Variants in TMEM181 observed in about 807,000 individuals in gnomAD.
TMEM181 encodes the protein G protein-coupled receptor 178.
A neutral mutation model predicts 71.9 loss-of-function variants in TMEM181; 39 were observed. The observed-to-expected ratio is 0.54, with a 90% CI of 0.42 to 0.71. The LOEUF (loss-of-function observed/expected upper bound fraction) is 0.71, where lower values mean the gene tolerates loss of function less well. Among genes scored for constraint, TMEM181 ranks in the 30% least tolerant of loss-of-function variants. TMEM181 has a pLI of 0.00. For missense variants in TMEM181, 595 were observed against 583.0 expected (o/e 1.02, Z -0.21); for synonymous variants, 245 against 228.8 (o/e 1.07, Z -0.64).
chr6:158,605,312 C>T lies in TMEM181; in HGVS notation c.538C>T (p.Arg180Trp), dbSNP rs779905244. 7 of 1,613,770 alleles carry T rather than the reference C, an allele frequency of 4.3e-6. No individual in the cohort carries two copies. The East Asian group carries it at 6.7e-5, about 15-fold the overall frequency. ...PAFSRLEIWF[R>W]FFFVVLTFIV... ...CTTCTCCCGGTTGGAAATCTGGTTC[C>T]GGTTTTTCTTTGTGGTGCTCACCTT... Residue 180 changes from arginine to tryptophan, a missense_variant, in exon 7 of 17, where the codon CGG becomes TGG. Arg to Trp is a moderately radical substitution (Grantham distance 101, BLOSUM62 -3). Transcript: ENST00000684151.
rs1184238264 is a variant in TMEM181, at chr6:158,605,258, C to T, written c.493-9C>T. 1 of 1,610,768 alleles carries T rather than the reference C, an allele frequency of 6.2e-7. No individual in the cohort carries two copies. Among genetic ancestry groups the T allele is most frequent in the Non-Finnish European group, 8.5e-7 (1 of 1,177,712 alleles). ...TTTTTCAAATTGTTTTCTCCACTTTCTATTTTAGTGGAAGACTTATAACCC... is the reference window on the plus strand; with the variant it reads ...TTTTTCAAATTGTTTTCTCCACTTTTTATTTTAGTGGAAGACTTATAACCC... On this transcript the variant is annotated splice_polypyrimidine_tract_variant and intron_variant, in intron 6 of 16. Transcript: ENST00000684151.
At chr6:158,625,317 T>G in intron 12 of TMEM181, 111 bp downstream of exon 12, 1 of 922,114 alleles carries the variant, frequency 1.1e-6, no homozygotes, top group Non-Finnish European at 1.7e-6. Context: ...GCCCAGGGAC[T>G]GGTCCATTCC....
intron 10 of TMEM181, among the ~76,000 whole-genome samples, chr6:158,612,402 C>T (rs368432548): frequency 2.0e-5 from 3 of 152,194 alleles, no homozygotes; most frequent in East Asian, 1.9e-4. Context: ...CTCGGATTGA[C>T]TGCGGGAGCA....
intron 5 of TMEM181, among the ~76,000 whole-genome samples, chr6:158,586,907 C>T (rs914754330): frequency 3.9e-5 from 6 of 152,146 alleles, no homozygotes; most frequent in Non-Finnish European, 8.8e-5. Flanking sequence ...CTGCGTCCCC[C>T]AGTGAGGCCT....
exon 1 of TMEM181, chr6:158,536,679 C>A: frequency 6.6e-7 from 1 of 1,524,474 alleles, no homozygotes. Context: ...AGAGGGGGCG[C>A]AGGCGGCGAC....
At chr6:158,611,747 A>AAAGC (rs1331287168) in intron 10 of TMEM181, 4 of 235,264 alleles carry the variant, frequency 1.7e-5, no homozygotes, top group Non-Finnish European at 2.5e-5. Flanking sequence ...AGAAACAGGA[A>AAAGC]AAGCGGCTCA....
At chr6:158,571,680 A>G (rs1315205160) in intron 1 of TMEM181, among the ~76,000 whole-genome samples, 1 of 152,264 alleles carries the variant, frequency 6.6e-6, no homozygotes, top group African/African-American at 2.4e-5. Flanking sequence ...GCGGAAGGTC[A>G]GAGGAGACAC....
At chr6:158,552,414 T>C (rs143685511) in intron 1 of TMEM181, among the ~76,000 whole-genome samples, 362 of 152,318 alleles carry the variant, frequency 2.4e-3, no homozygotes, top group African/African-American at 8.4e-3. Flanking sequence ...CACAGAGGAA[T>C]ATACACAAGA....
upstream of TMEM181, chr6:158,560,041 C>A: frequency 1.0e-6 from 1 of 985,242 alleles, no homozygotes; most frequent in Non-Finnish European, 1.2e-6. Flanking sequence ...GCGCCCTCTT[C>A]CGCCGTGAGA....
chr6:158,558,506 C>G (rs983421705), upstream of TMEM181, among the ~76,000 whole-genome samples: 1 of 152,168 alleles, frequency 6.6e-6, no homozygotes, highest in African/African-American at 2.4e-5. Context: ...CATTTATGGA[C>G]AGAAAGTGGA....
chr6:158,607,159 A>G, intron 7 of TMEM181, 85 bp from the exon 8 acceptor site: 1 of 1,101,334 alleles, frequency 9.1e-7, no homozygotes. Flanking sequence ...AGAGAAGACA[A>G]CCTGGTATGC....
chr6:158,612,077 T>C lies in TMEM181; in HGVS notation c.896+3327T>C, dbSNP rs567570250. 9.2e-5 allele frequency among the ~76,000 whole-genome samples: 14 copies of C among 152,210 alleles called. 1 individual carries two copies. The South Asian group carries it at 1.9e-3, about 20-fold the overall frequency. ...GCCTACTTTTTTACTGGGGCCCATT[T>C]TTGGGGGCCCATTTACACTCCCAAA... On this transcript the variant is annotated intron_variant, in intron 10 of 16. Coordinates refer to ENST00000684151, the MANE Select transcript of TMEM181 (RefSeq NM_001376852.1).
At chr6:158,574,922 T>C (rs550104244) in intron 2 of TMEM181, among the ~76,000 whole-genome samples, 192 of 152,318 alleles carry the variant, frequency 1.3e-3, no homozygotes, top group Non-Finnish European at 1.3e-3. Context: ...CTAGGAGAGC[T>C]GATGGAGTAA....
chr6:158,604,332 A>ATGCG (rs1471483379), intron 6 of TMEM181, among the ~76,000 whole-genome samples: 3 of 124,016 alleles, frequency 2.4e-5, no homozygotes, highest in East Asian at 6.0e-4. Context: ...GCATGCGTGC[A>ATGCG]TGCGTGTGTG....
At position 158,592,131 on chromosome 6, in the gene TMEM181, C is replaced by G. The variant is rs557919186; in HGVS notation, c.492+2349C>G. On this transcript the variant is annotated intron_variant, in intron 6 of 16. Transcript: ENST00000684151. ...GTAAGGGATGTCACCAAAGATTTTT[C>G]TGCGTTTTTTGTACATTTCGTTTCC... is the stretch of plus-strand genomic sequence containing the variant. Among the ~76,000 whole-genome samples the G allele has an allele frequency of 1.4e-3, 210 of 152,314 alleles. 1 individual carries two copies. Among genetic ancestry groups the G allele is most frequent in the Non-Finnish European group, 1.3e-3 (86 of 68,030 alleles).
intron 1 of TMEM181, among the ~76,000 whole-genome samples, chr6:158,566,508 G>T (rs1488689800): frequency 4.7e-5 from 7 of 148,038 alleles, no homozygotes; most frequent in Admixed American, 2.0e-4. Flanking sequence ...ATGGGGTGAA[G>T]GAGATGATGG....
intron 1 of TMEM181, among the ~76,000 whole-genome samples, chr6:158,547,102 C>T (rs528929614): frequency 4.6e-5 from 7 of 152,214 alleles, no homozygotes; most frequent in East Asian, 3.9e-4. Context: ...GCCAACATGG[C>T]GACGCTTCAT....
chr6:158,577,559 C>T (rs940364480), intron 2 of TMEM181, among the ~76,000 whole-genome samples: 1 of 152,154 alleles, frequency 6.6e-6, no homozygotes, highest in Non-Finnish European at 1.5e-5. Flanking sequence ...GAAAACTTCC[C>T]ATATTTGGTG....
At chr6:158,603,487 A>T (rs1746201222) in intron 6 of TMEM181, among the ~76,000 whole-genome samples, 1 of 151,948 alleles carries the variant, frequency 6.6e-6, no homozygotes, top group African/African-American at 2.4e-5. Context: ...CCGGTTGCTG[A>T]CAGGCCACGT....
Sources: gnomAD v4.1 joint callset for allele counts (sites outside exome capture counted in the v4.1 genomes callset) on GRCh38, gnomAD v4.1.1 for gene constraint, MANE v1.5 for transcripts, NCBI Gene and HGNC (gene_info 2026-07-23, HGNC 2026-07-21) for gene names.